The following CAGE1 variants were observed in gnomAD, a reference collection of about 807,000 sequenced individuals.
The protein encoded by CAGE1 is cancer-associated gene 1 protein.
A neutral mutation model predicts 94.9 loss-of-function variants in CAGE1; 66 were observed. The ratio of observed to expected loss-of-function variants is 0.70; its 90% CI spans 0.57 to 0.85. The LOEUF (loss-of-function observed/expected upper bound fraction) is 0.85. CAGE1 is among the 40% of genes least tolerant of loss of function. The pLI is 0.00. For missense variants in CAGE1, 865 were observed against 950.4 expected, an observed-to-expected ratio of 0.91 and a Z score of 1.18; for synonymous variants, 319 against 321.0, an observed-to-expected ratio of 0.99 and a Z score of 0.07.
intron 11 of CAGE1, among the ~76,000 whole-genome samples, chr6:7,354,046 C>G (rs1043662914): frequency 1.3e-5 from 2 of 151,386 alleles, no homozygotes; most frequent in Non-Finnish European, 2.9e-5. Context: ...CACTAAGGAA[C>G]TTATCTAACC....
chr6:7,376,128 A>C (rs1032239256), intron 4 of CAGE1, among the ~76,000 whole-genome samples: 1 of 151,926 alleles, frequency 6.6e-6, no homozygotes, highest in Non-Finnish European at 1.5e-5. Flanking sequence ...GGTGGCTCAC[A>C]CCTGTAATCC....
At chr6:7,352,290 CAAA>C (rs77426667) in intron 11 of CAGE1, among the ~76,000 whole-genome samples, 10,796 of 43,452 alleles carry the variant, frequency 0.25, 1,159 homozygotes, top group African/African-American at 0.47. Context: ...ACAATAGCTG[CAAA>C]AAAAAAAAAA....
At chr6:7,345,196 GTT>G (rs371060544) in intron 11 of CAGE1, among the ~76,000 whole-genome samples, 1,732 of 111,624 alleles carry the variant, frequency 0.016, 28 homozygotes, top group African/African-American at 0.076. Context: ...AAGGTTTGTA[GTT>G]TCACTCTTTG....
chr6:7,333,751 C>G (rs908234679), intron 12 of CAGE1, among the ~76,000 whole-genome samples: 5 of 146,922 alleles, frequency 3.4e-5, no homozygotes, highest in African/African-American at 1.3e-4. Context: ...TCACTGCAAC[C>G]TCCGCCTCCC....
rs879136921 is a variant in CAGE1 at position 7,338,939 on chromosome 6, G to C, written c.2370-4849C>G. On this transcript the variant is annotated intron_variant, in intron 11 of 13. Coordinates refer to ENST00000502583, the MANE Select transcript of CAGE1 (RefSeq NM_001170692.2). ...CAGTTATCTCATCTTTGGGTTCCAC[G>C]ATGCTCACGTGGTCAGGCAGGGGCT... The C allele has an allele frequency of 4.2e-5, 68 of 1,606,948 alleles. 1 individual carries two copies. The South Asian group carries it at 6.8e-4, about 16-fold the overall frequency.
intron 6 of CAGE1, among the ~76,000 whole-genome samples, chr6:7,369,635 G>T (rs1760473442): frequency 6.6e-6 from 1 of 152,158 alleles, no homozygotes. Flanking sequence ...TACTGATCTG[G>T]GAGGGCATCG....
intron 11 of CAGE1, among the ~76,000 whole-genome samples, chr6:7,344,106 C>T (rs1040033058): frequency 4.6e-5 from 7 of 152,362 alleles, no homozygotes; most frequent in South Asian, 2.1e-4. Context: ...GCCTGGGCTC[C>T]CACTTTGGTG....
chr6:7,338,366 T>C (rs1372744832), intron 11 of CAGE1, among the ~76,000 whole-genome samples: 1 of 152,200 alleles, frequency 6.6e-6, no homozygotes, highest in Non-Finnish European at 1.5e-5. Flanking sequence ...TTAAGTATAA[T>C]GTTAGTAGGC....
intron 7 of CAGE1, among the ~76,000 whole-genome samples, chr6:7,367,662 T>C (rs1233504093): frequency 6.6e-6 from 1 of 152,216 alleles, no homozygotes; most frequent in African/African-American, 2.4e-5. Flanking sequence ...TCTGCATGAC[T>C]GTGCTCATAC....
In CAGE1 at chr6:7,326,953, G is replaced by C. The variant is rs888206450; in HGVS notation, c.2479-54C>G. The stretch of plus-strand genomic sequence containing the variant: ...AGTTTTGGGGAAAGACTAACATTCA[G>C]TGACAGAACCCCTAAACAGCCAATT... On this transcript the variant is annotated intron_variant, in intron 13 of 13. Coordinates refer to ENST00000502583, the MANE Select transcript of CAGE1 (RefSeq NM_001170692.2). 2.1e-6 allele frequency: 3 copies of C among 1,413,254 alleles called. No homozygotes were observed. In the African/African-American group the frequency reaches 4.2e-5, roughly 20 times the overall value. 87.5% of individuals were successfully genotyped at this position (1,413,254 alleles called of 1,614,324 possible).
chr6:7,328,918 G>GTGTGTGTA (rs1328152228), intron 13 of CAGE1, among the ~76,000 whole-genome samples: 43 of 43,992 alleles, frequency 9.8e-4, no homozygotes, highest in African/African-American at 3.5e-3. Context: ...GTGTGTGTGT[G>GTGTGTGTA]TATATATATA....
chr6:7,373,046 T>C (rs773742333), intron 5 of CAGE1, 27 bp downstream of exon 5: 1 of 1,491,854 alleles, frequency 6.7e-7, no homozygotes, highest in African/African-American at 1.4e-5. Context: ...AAATTCCGCA[T>C]TAGAGATTTA....
At chr6:7,378,514 A>AT in intron 4 of CAGE1, 103 bp downstream of exon 4, 1 of 975,044 alleles carries the variant, frequency 1.0e-6, no homozygotes, top group Non-Finnish European at 1.5e-6. Flanking sequence ...TTTACTGACC[A>AT]TCACAATCGT....
At chr6:7,355,181 C>T in intron 10 of CAGE1, 70 bp from the exon 11 acceptor site, 5 of 991,486 alleles carry the variant, frequency 5.0e-6, no homozygotes, top group Non-Finnish European at 6.1e-6. Context: ...TTTATGACTA[C>T]AAGTTGAAGC....
chr6:7,328,873 A>AGTGT lies in CAGE1; in HGVS notation c.2478+972_2478+975dup, dbSNP rs545926619. 6.0e-3 allele frequency among the ~76,000 whole-genome samples: 628 copies of AGTGT among 105,386 alleles called. 10 individuals are homozygous for AGTGT. Among genetic ancestry groups the AGTGT allele is most frequent in the Middle Eastern group, 0.015 (3 of 194 alleles). The allele number at this position is 105,386 out of a possible 152,430, so 69.1% of individuals were successfully genotyped here. A position where few individuals can be genotyped will look rare whatever the true frequency, so the allele number is the denominator to read the frequency against. On this transcript the variant is annotated intron_variant, in intron 13 of 13. Transcript: ENST00000502583. ...TGGAAGTACTACTCTGTATCTTATA[A>AGTGT]GTGTGTGTGTGTGTGTGTGTGTGTG...
rs553668432 is a variant in CAGE1 at position 7,382,864 on chromosome 6, C to T, written c.283+2921G>A. ...GGTGGAGGTTGCAGTGAGCCGAGAT[C>T]GCTCCACTGCACTCCATCCTGGGTG... is the stretch of plus-strand genomic sequence containing the variant. On this transcript the variant is annotated intron_variant, in intron 3 of 13. Coordinates refer to ENST00000502583, the MANE Select transcript of CAGE1 (RefSeq NM_001170692.2). 3.3e-5 allele frequency among the ~76,000 whole-genome samples: 5 copies of T among 152,128 alleles called. No homozygotes were observed. The East Asian group carries it at 7.8e-4, about 24-fold the overall frequency.
intron 3 of CAGE1, among the ~76,000 whole-genome samples, chr6:7,384,651 T>C (rs909480789): frequency 5.3e-5 from 8 of 151,912 alleles, no homozygotes; most frequent in African/African-American, 9.7e-5. Flanking sequence ...GATTAAATCC[T>C]AAATAGCTTT....
chr6:7,339,317 T>C lies in CAGE1; in HGVS notation c.2370-5227A>G, dbSNP rs982393646. On this transcript the variant is annotated intron_variant, in intron 11 of 13. Transcript: ENST00000502583. This position sits in a 1 kb window ranked among gnomAD's most constrained non-coding sequence, Gnocchi z 4.7. ...TGGCCACCTCTTCAGCATAAAGCTC[T>C]ACACTGCCCTCTGGAGAGCCAAACC... 2 of 1,591,894 alleles carry C rather than the reference T, an allele frequency of 1.3e-6. No homozygotes were observed. Among genetic ancestry groups the C allele is most frequent in the Admixed American group, 1.7e-5 (1 of 59,974 alleles).
intron 13 of CAGE1, among the ~76,000 whole-genome samples, chr6:7,327,775 A>G (rs62387868): frequency 0.2 from 30,631 of 151,744 alleles, 3,696 homozygotes; most frequent in East Asian, 0.55. Context: ...TACTAAAAAT[A>G]CAAAATTAGC....
Sources: gnomAD v4.1 joint callset for allele counts (sites outside exome capture counted in the v4.1 genomes callset) on GRCh38, gnomAD v4.1.1 for gene constraint, Gnocchi (gnomAD v3.1) non-coding constraint, MANE v1.5 for transcripts, NCBI Gene and HGNC (gene_info 2026-07-23, HGNC 2026-07-21) for gene names.